Variants in PCSK5 observed in about 807,000 individuals in gnomAD.
The protein encoded by PCSK5 is prohormone convertase 5.
Under a neutral mutation model 233.2 loss-of-function variants are expected in PCSK5, and 129 were observed. That is an observed-to-expected ratio of 0.55 (90% CI 0.48 to 0.64). The LOEUF is 0.64. PCSK5 is among the 30% of genes least tolerant of loss of function. PCSK5 has a pLI of 0.00. For synonymous variants in PCSK5, 825 were observed against 879.2 expected, an observed-to-expected ratio of 0.94 and a Z score of 1.09; for missense variants, 2,076 against 2,430.1, an observed-to-expected ratio of 0.85 and a Z score of 3.06.
chr9:75,931,314 C>T (rs1823784928), intron 1 of PCSK5, among the ~76,000 whole-genome samples: 1 of 149,844 alleles, frequency 6.7e-6, no homozygotes, highest in Non-Finnish European at 1.5e-5. Context: ...TGGAAAACAT[C>T]CTGATGATAG....
chr9:76,267,582 T>A (rs1827373549), intron 24 of PCSK5, among the ~76,000 whole-genome samples: 1 of 152,190 alleles, frequency 6.6e-6, no homozygotes, highest in Non-Finnish European at 1.5e-5. Flanking sequence ...TTCTTCGTTA[T>A]CACAAAGCTC....
chr9:75,958,255 C>G (rs1267373678), intron 2 of PCSK5, among the ~76,000 whole-genome samples: 2 of 152,142 alleles, frequency 1.3e-5, no homozygotes, highest in Non-Finnish European at 2.9e-5. Flanking sequence ...AGAACAATCC[C>G]CTGTAACAGG....
At chr9:75,997,005 C>G (rs1750968287) in intron 3 of PCSK5, among the ~76,000 whole-genome samples, 3 of 152,104 alleles carry the variant, frequency 2.0e-5, no homozygotes, top group African/African-American at 7.2e-5. Context: ...ACTTTTCACT[C>G]AGTATTGGGA....
intron 1 of PCSK5, among the ~76,000 whole-genome samples, chr9:75,901,773 G>A (rs1021205269): frequency 6.6e-6 from 1 of 152,122 alleles, no homozygotes; most frequent in Non-Finnish European, 1.5e-5. Flanking sequence ...ATATAAAAAT[G>A]TACCAAATAG....
intron 20 of PCSK5, among the ~76,000 whole-genome samples, chr9:76,200,556 G>C (rs1481580657): frequency 6.6e-6 from 1 of 152,156 alleles, no homozygotes; most frequent in Non-Finnish European, 1.5e-5. Context: ...TCCAGCACAT[G>C]CCTTGCTTAA....
intron 12 of PCSK5, 26 bp downstream of exon 12, chr9:76,159,197 G>A (rs1036893255): frequency 5.6e-6 from 9 of 1,605,374 alleles, no homozygotes; most frequent in Admixed American, 3.3e-5. Context: ...CTGCCCACCA[G>A]TGTAGTAGTC....
chr9:75,984,365 G>A (rs1826409669), intron 2 of PCSK5, among the ~76,000 whole-genome samples: 1 of 152,174 alleles, frequency 6.6e-6, no homozygotes, highest in Non-Finnish European at 1.5e-5. Context: ...GGGAAGACAT[G>A]ATACTTTCCG....
At chr9:76,023,945 T>C in intron 4 of PCSK5, 64 bp downstream of exon 4, 2 of 1,452,684 alleles carry the variant, frequency 1.4e-6, no homozygotes, top group Non-Finnish European at 1.9e-6. Context: ...ATGTTAGGAT[T>C]ATCAAAAAGG....
intron 16 of PCSK5, among the ~76,000 whole-genome samples, chr9:76,184,254 C>T (rs1195974439): frequency 6.6e-6 from 1 of 152,160 alleles, no homozygotes; most frequent in African/African-American, 2.4e-5. Context: ...GCATGGGGGT[C>T]TACATTCCCA....
At chr9:76,186,758 C>CTTAT (rs149778191) in intron 17 of PCSK5, among the ~76,000 whole-genome samples, 2,032 of 151,974 alleles carry the variant, frequency 0.013, 43 homozygotes, top group African/African-American at 0.046. Flanking sequence ...TTCGGTGGTC[C>CTTAT]TTATTTCCTC....
At chr9:76,208,351 C>A (rs1337079629) in intron 20 of PCSK5, among the ~76,000 whole-genome samples, 1 of 152,154 alleles carries the variant, frequency 6.6e-6, no homozygotes, top group Non-Finnish European at 1.5e-5. Flanking sequence ...CTCCAGGAGC[C>A]ACTGCAAAGT....
intron 24 of PCSK5, among the ~76,000 whole-genome samples, chr9:76,251,926 T>G (rs1826819917): frequency 1.3e-5 from 2 of 151,994 alleles, no homozygotes; most frequent in Admixed American, 1.3e-4. Context: ...GCTAATGTTC[T>G]TCCCTTCTGA....
intron 2 of PCSK5, among the ~76,000 whole-genome samples, chr9:75,942,638 C>T (rs1003291686): frequency 3.9e-5 from 6 of 152,098 alleles, no homozygotes; most frequent in South Asian, 4.1e-4. Flanking sequence ...CTGCTTTATC[C>T]GGTTTTTCAC....
rs200431393 is a variant in PCSK5, at chr9:76,169,746, C to G, written c.1662C>G (p.Phe554Leu). ...HSMEGFKNWE[F>L]MTIHCWGERA... Reference sequence around the variant, plus strand: ...TGGAAGGATTCAAAAACTGGGAGTTCATGACCATTCATTGCTGGGGAGAAA... The same window carrying G: ...TGGAAGGATTCAAAAACTGGGAGTTGATGACCATTCATTGCTGGGGAGAAA... Residue 554 changes from phenylalanine (F) to leucine (L), a missense_variant, in exon 13 of 38, where the codon TTC becomes TTG. Coordinates refer to ENST00000674117, the MANE Select transcript of PCSK5 (RefSeq NM_001372043.1). The G allele has an allele frequency of 1.2e-6, 2 of 1,613,084 alleles. No homozygotes were observed. The highest frequency in any genetic ancestry group is 2.7e-5 in the African/African-American group (2 of 74,876).
chr9:76,034,648 C>G (rs1338605151), intron 5 of PCSK5, among the ~76,000 whole-genome samples: 1 of 152,144 alleles, frequency 6.6e-6, no homozygotes, highest in Non-Finnish European at 1.5e-5. Flanking sequence ...CTTCTCTCAT[C>G]CCGCATGGTA....
rs368370077 is a variant in PCSK5, at chr9:76,181,760, T to G, written c.2197+169T>G. On this transcript the variant is annotated intron_variant, in intron 16 of 37. Coordinates refer to ENST00000674117, the MANE Select transcript of PCSK5 (RefSeq NM_001372043.1). ...CTTTAGAAGCTTCATGTAAAAATGC[T>G]TATAACTTTGTCAGAGTATCCTCAA... Among the ~76,000 whole-genome samples the G allele has an allele frequency of 4.9e-4, 74 of 152,308 alleles. 5 individuals are homozygous for G. Among genetic ancestry groups the G allele is most frequent in the African/African-American group, 1.8e-3 (74 of 41,564 alleles).
At chr9:76,356,266 G>A (rs1399826804) in intron 37 of PCSK5, among the ~76,000 whole-genome samples, 3 of 152,196 alleles carry the variant, frequency 2.0e-5, no homozygotes, top group African/African-American at 4.8e-5. Flanking sequence ...TATCTCGTCA[G>A]CTTTCCTGGT....
Position 75,977,764 on chromosome 9 carries a change from C to T in PCSK5, c.298-8368C>T, listed in dbSNP as rs539792200. Among the ~76,000 whole-genome samples the T allele has an allele frequency of 1.3e-5, 2 of 151,904 alleles. 1 individual carries two copies. The highest frequency in any genetic ancestry group is 4.2e-4 in the South Asian group (2 of 4,792). On this transcript the variant is annotated intron_variant, in intron 2 of 37. Transcript: ENST00000674117. ...TAGCTGGGATTACAGGCGCCTCCCA[C>T]CACGCACGGCTAATTTTTTATATTT...
intron 30 of PCSK5, among the ~76,000 whole-genome samples, chr9:76,320,697 C>A (rs1829173003): frequency 6.6e-6 from 1 of 151,764 alleles, no homozygotes; most frequent in Non-Finnish European, 1.5e-5. Flanking sequence ...CAGTCTCAAA[C>A]TCCTGATCTC....
Sources: allele counts gnomAD v4.1 joint callset (sites outside exome capture counted in the v4.1 genomes callset), GRCh38; gene constraint gnomAD v4.1.1; transcripts MANE v1.5; gene names NCBI Gene and HGNC (gene_info 2026-07-23, HGNC 2026-07-21).